Variants in RSU1 observed in about 807,000 individuals in gnomAD.
The protein encoded by RSU1 is Ras suppressor protein 1, also known as rsu-1.
RSU1 carries 26 observed loss-of-function variants against 31.1 expected under a neutral mutation model. The observed-to-expected ratio is 0.84, with a 90% CI of 0.61 to 1.16. The LOEUF is 1.16. Ranked by LOEUF, RSU1 falls within the 50% of genes most tolerant of loss-of-function variation. The pLI, the probability that RSU1 is intolerant of heterozygous loss-of-function variation, is 0.00. For missense variants in RSU1, 320 were observed against 339.1 expected (o/e 0.94, Z 0.44); for synonymous variants, 164 against 136.3 (o/e 1.20, Z -1.41).
At chr10:16,613,092 C>A (rs563250320) in intron 8 of RSU1, among the ~76,000 whole-genome samples, 1 of 152,240 alleles carries the variant, frequency 6.6e-6, no homozygotes, top group South Asian at 2.1e-4. Flanking sequence ...CATCGCCTCT[C>A]CCCCAGCTCT....
intron 8 of RSU1, among the ~76,000 whole-genome samples, chr10:16,625,276 A>T (rs1188794314): frequency 6.6e-6 from 1 of 152,052 alleles, no homozygotes; most frequent in Non-Finnish European, 1.5e-5. Context: ...AACTGGGAAG[A>T]GCTTCTGTCT....
At chr10:16,750,503 T>C (rs971935487) in intron 7 of RSU1, among the ~76,000 whole-genome samples, 1 of 152,054 alleles carries the variant, frequency 6.6e-6, no homozygotes, top group African/African-American at 2.4e-5. Context: ...GCAAAATGAG[T>C]AAGATTTTAA....
At chr10:16,753,069 G>T in intron 5 of RSU1, 69 bp from the exon 6 acceptor site, 5 of 1,203,250 alleles carry the variant, frequency 4.2e-6, no homozygotes, top group Non-Finnish European at 6.1e-6. Context: ...TGATCAATAC[G>T]AGGGAGTCAG....
intron 8 of RSU1, among the ~76,000 whole-genome samples, chr10:16,669,915 A>T (rs1192872806): frequency 6.6e-6 from 1 of 152,234 alleles, no homozygotes; most frequent in Non-Finnish European, 1.5e-5. Flanking sequence ...CCAAAGTCAG[A>T]GCAAGAAGGC....
intron 4 of RSU1, 145 bp downstream of exon 4, chr10:16,764,245 A>G: frequency 2.2e-6 from 2 of 911,692 alleles, no homozygotes; most frequent in Non-Finnish European, 3.1e-6. Context: ...TTAAAACAAT[A>G]AAATTTTTTT....
At chr10:16,736,476 C>T (rs778828644) in intron 7 of RSU1, among the ~76,000 whole-genome samples, 3 of 151,982 alleles carry the variant, frequency 2.0e-5, no homozygotes, top group Non-Finnish European at 4.4e-5. Context: ...AGGACCAAGT[C>T]TAACAGGCAT....
Position 16,593,474 on chromosome 10 carries a change from C to T in RSU1, c.754G>A (p.Ala252Thr). 1 of 1,613,948 alleles carries T rather than the reference C, an allele frequency of 6.2e-7. No individual in the cohort carries two copies. The highest frequency in any genetic ancestry group is 8.5e-7 in the Non-Finnish European group (1 of 1,179,970). Residue 252 changes from alanine (A) to threonine (T), a missense_variant, in exon 9 of 9, where the codon GCC (alanine) becomes ACC (threonine). By Grantham distance (58) the Ala-to-Thr change is moderately conservative. Transcript: ENST00000345264. ...YKYLYGRHMQ[A>T]NPEPPKKNND... ...TTCTTCTTCGGTGGTTCTGGGTTGG[C>T]CTGCATGTGTCTGCCGTAGAGGCTG... is the stretch of plus-strand genomic sequence containing the variant.
At chr10:16,813,586 G>A (rs1478011259) in intron 2 of RSU1, among the ~76,000 whole-genome samples, 3 of 152,206 alleles carry the variant, frequency 2.0e-5, no homozygotes, top group Admixed American at 6.5e-5. Context: ...TTATGAAGTG[G>A]TTTCTTAGGC....
chr10:16,739,443 T>C (rs1250649879), intron 7 of RSU1, among the ~76,000 whole-genome samples: 3 of 151,146 alleles, frequency 2.0e-5, no homozygotes, highest in Admixed American at 2.0e-4. Flanking sequence ...GGTTTTGATT[T>C]GCAAGAAATG....
chr10:16,759,207 A>T (rs1334440847), intron 4 of RSU1, among the ~76,000 whole-genome samples: 3 of 152,152 alleles, frequency 2.0e-5, no homozygotes, highest in East Asian at 1.9e-4. Flanking sequence ...ATAAAAATTT[A>T]AAAAAATCCA....
intron 7 of RSU1, among the ~76,000 whole-genome samples, chr10:16,705,105 T>C (rs1014988904): frequency 6.6e-6 from 1 of 152,250 alleles, no homozygotes. Flanking sequence ...GTATCTCATA[T>C]ACATGGAATA....
At chr10:16,742,216 A>C (rs1836768736) in intron 7 of RSU1, among the ~76,000 whole-genome samples, 1 of 152,244 alleles carries the variant, frequency 6.6e-6, no homozygotes, top group Non-Finnish European at 1.5e-5. Context: ...AAATGGTACA[A>C]TTAGATGCTT....
chr10:16,749,380 A>G (rs1836926318), intron 7 of RSU1, among the ~76,000 whole-genome samples: 1 of 152,214 alleles, frequency 6.6e-6, no homozygotes, highest in Admixed American at 6.5e-5. Context: ...AGTACCAAAA[A>G]GTTTACAAGT....
chr10:16,809,117 G>C (rs1432877571), intron 2 of RSU1, among the ~76,000 whole-genome samples: 1 of 152,148 alleles, frequency 6.6e-6, no homozygotes, highest in Non-Finnish European at 1.5e-5. Flanking sequence ...CCTATTATTG[G>C]CCTTTTGGGC....
At chr10:16,694,895 T>C (rs1214192397) in intron 8 of RSU1, 128 bp downstream of exon 8, 2 of 877,082 alleles carry the variant, frequency 2.3e-6, no homozygotes, top group South Asian at 1.9e-5. Context: ...CAGTTTTTAA[T>C]AAAACATCTT....
At chr10:16,666,656 A>G (rs901989554) in intron 8 of RSU1, among the ~76,000 whole-genome samples, 4 of 152,156 alleles carry the variant, frequency 2.6e-5, no homozygotes, top group South Asian at 2.1e-4. Flanking sequence ...GGAAATCTCT[A>G]GGTGGGCTCA....
At chr10:16,666,474 T>C (rs1033382478) in intron 8 of RSU1, among the ~76,000 whole-genome samples, 2 of 152,232 alleles carry the variant, frequency 1.3e-5, no homozygotes, top group Non-Finnish European at 1.5e-5. Context: ...AAGCTTGAGA[T>C]GCTGGTTCAG....
chr10:16,745,095 T>C (rs1836824292), intron 7 of RSU1, among the ~76,000 whole-genome samples: 2 of 152,128 alleles, frequency 1.3e-5, no homozygotes. Context: ...GGGGCTGGGG[T>C]GACCTCTCTG....
chr10:16,642,634 T>G (rs1834465584), intron 8 of RSU1, among the ~76,000 whole-genome samples: 2 of 152,222 alleles, frequency 1.3e-5, no homozygotes, highest in Admixed American at 1.3e-4. Context: ...AAATTCAATT[T>G]GTAACATTCT....
Sources: gnomAD v4.1 joint callset for allele counts (sites outside exome capture counted in the v4.1 genomes callset) on GRCh38, gnomAD v4.1.1 for gene constraint, MANE v1.5 for transcripts, NCBI Gene and HGNC (gene_info 2026-07-23, HGNC 2026-07-21) for gene names.